The following ADCY9 variants were observed in gnomAD, a reference collection of about 807,000 sequenced individuals.
The protein encoded by ADCY9 is adenylate cyclase type 9.
ADCY9 carries 50 observed loss-of-function variants against 101.5 expected under a neutral mutation model. The ratio of observed to expected loss-of-function variants is 0.49; its 90% confidence interval spans 0.39 to 0.62. The LOEUF is 0.62. Ranked by LOEUF, ADCY9 falls within the 20% of genes least tolerant of loss-of-function variation. The probability of loss-of-function intolerance (pLI) is 0.00; values close to 1 mark genes in which losing one functional copy is unlikely to be tolerated. For synonymous variants in ADCY9, 905 were observed against 769.3 expected, an observed-to-expected ratio of 1.18 and a Z score of -2.92; for missense variants, 1,662 against 1,800.4, an observed-to-expected ratio of 0.92 and a Z score of 1.39.
Position 4,115,004 on chromosome 16 carries a change from C to T in ADCY9, c.439G>A (p.Ala147Thr). ...HMRSRLIVMV[A>T]PALCFLLVCV... ...ACCAGGAGGAAGCACAGCGCGGGGGCGACCATGACGATCAGTCTGGATCTC... is the reference window on the plus strand; with the variant it reads ...ACCAGGAGGAAGCACAGCGCGGGGGTGACCATGACGATCAGTCTGGATCTC... Residue 147 changes from alanine (A) to threonine (T), a missense_variant, in exon 2 of 11, where the codon GCC (alanine) becomes ACC (threonine). Transcript: ENST00000294016. This position sits in a 1 kb window ranked among gnomAD's most constrained non-coding sequence, Gnocchi z 6.2. 2 of 1,614,080 alleles carry T rather than the reference C, an allele frequency of 1.2e-6. No individual in the cohort carries two copies. The highest frequency in any genetic ancestry group is 8.5e-7 in the Non-Finnish European group (1 of 1,180,030).
chr16:3,997,342 C>T (rs370630827), intron 3 of ADCY9, among the ~76,000 whole-genome samples: 7 of 152,352 alleles, frequency 4.6e-5, no homozygotes, highest in Admixed American at 4.6e-4. Context: ...ACAAGGGCTT[C>T]CCTCAGAGGG....
At position 3,964,759 on chromosome 16, in the gene ADCY9, GC is replaced by G; in HGVS notation, c.*1015del. Reference sequence around the variant, plus strand: ...TCTTGGGGTGGGGAGGTTGGGGGCGGCCCCAGGTGGCCAAAACACAAAAGAG... The same window carrying G: ...TCTTGGGGTGGGGAGGTTGGGGGCGGCCCAGGTGGCCAAAACACAAAAGAG... On this transcript the variant is annotated 3_prime_UTR_variant, in exon 11 of 11. Coordinates refer to ENST00000294016, the MANE Select transcript of ADCY9 (RefSeq NM_001116.4). The G allele has an allele frequency of 6.6e-6, 1 of 152,548 alleles. No homozygotes were observed. The highest frequency in any genetic ancestry group is 1.5e-5 in the Non-Finnish European group (1 of 68,234). 9.4% of individuals were successfully genotyped at this position (152,548 alleles called of 1,614,324 possible).
Position 3,967,463 on chromosome 16 carries a change from T to C in ADCY9, c.2871-497A>G, listed in dbSNP as rs148868269. Among the ~76,000 whole-genome samples, 673 of 152,010 alleles carry C rather than the reference T, an allele frequency of 4.4e-3. 4 individuals carry two copies. The highest frequency in any genetic ancestry group is 0.015 in the African/African-American group (606 of 41,410). ...TGGAGTGCAATGGCACAATCATGGC[T>C]CACTGCAGCCTTAAACTCCTGGGCT... On this transcript the variant is annotated intron_variant, in intron 10 of 10. Transcript: ENST00000294016.
chr16:4,030,220 C>T (rs2056545690), intron 2 of ADCY9, among the ~76,000 whole-genome samples: 1 of 152,098 alleles, frequency 6.6e-6, no homozygotes, highest in South Asian at 2.1e-4. Flanking sequence ...TAAGTATTCA[C>T]AGGGATTATT....
rs1254383538 is a variant in ADCY9, at chr16:4,115,916, C to T, written c.-270G>A. On this transcript the variant is annotated 5_prime_UTR_variant, in exon 1 of 11. Coordinates refer to ENST00000294016, the MANE Select transcript of ADCY9 (RefSeq NM_001116.4). This position sits in a 1 kb window ranked among gnomAD's most constrained non-coding sequence, Gnocchi z 6.2. ...AACAACTCCGCTGGCGGCGCGGAGC[C>T]CTCCATCCTGCAGGAGCCGCGCTCC... 3 of 391,098 alleles carry T rather than the reference C, an allele frequency of 7.7e-6. No individual in the cohort carries two copies. The highest frequency in any genetic ancestry group is 1.4e-5 in the Non-Finnish European group (3 of 221,416). 24.2% of individuals were successfully genotyped at this position (391,098 alleles called of 1,614,324 possible).
At chr16:4,093,175 A>C (rs530228475) in intron 2 of ADCY9, among the ~76,000 whole-genome samples, 6 of 152,328 alleles carry the variant, frequency 3.9e-5, no homozygotes, top group African/African-American at 1.2e-4. Flanking sequence ...AAATTATCTG[A>C]TTGATTAAAA....
At chr16:4,065,608 G>A (rs759691951) in intron 2 of ADCY9, among the ~76,000 whole-genome samples, 26 of 152,174 alleles carry the variant, frequency 1.7e-4, no homozygotes, top group Non-Finnish European at 2.9e-4. Flanking sequence ...GTCTCACTCT[G>A]TCACCCAGGC....
chr16:4,107,787 C>T (rs918851198), intron 2 of ADCY9, among the ~76,000 whole-genome samples: 2 of 152,040 alleles, frequency 1.3e-5, no homozygotes, highest in Admixed American at 6.6e-5. Context: ...GTTAATGGGG[C>T]GCCCAGATTT....
chr16:4,070,423 T>G (rs191080276), intron 2 of ADCY9, among the ~76,000 whole-genome samples: 3 of 152,208 alleles, frequency 2.0e-5, no homozygotes, highest in Non-Finnish European at 2.9e-5. Context: ...AATAATATTA[T>G]GTTATAAACC....
chr16:4,054,640 G>A (rs1001194046), intron 2 of ADCY9, among the ~76,000 whole-genome samples: 6 of 150,966 alleles, frequency 4.0e-5, no homozygotes, highest in Non-Finnish European at 7.4e-5. Context: ...GCACAATCTC[G>A]GCTCACTGCA....
chr16:4,029,572 C>T (rs948950080), intron 2 of ADCY9, among the ~76,000 whole-genome samples: 2 of 152,134 alleles, frequency 1.3e-5, no homozygotes, highest in East Asian at 3.9e-4. Context: ...CATGGTGAAA[C>T]CCCATCTCTA....
intron 2 of ADCY9, among the ~76,000 whole-genome samples, chr16:4,014,483 T>C (rs900314679): frequency 8.5e-5 from 13 of 152,106 alleles, no homozygotes; most frequent in Admixed American, 8.5e-4. Context: ...AGTCTTGCTC[T>C]GTTGCCCAGG....
intron 2 of ADCY9, among the ~76,000 whole-genome samples, chr16:4,070,575 G>A (rs761596347): frequency 3.3e-5 from 5 of 152,130 alleles, no homozygotes; most frequent in Non-Finnish European, 5.9e-5. Context: ...CAGTGCTTTC[G>A]AAGACCAAGG....
At chr16:4,026,973 C>G (rs1322331535) in intron 2 of ADCY9, among the ~76,000 whole-genome samples, 1 of 152,220 alleles carries the variant, frequency 6.6e-6, no homozygotes, top group Non-Finnish European at 1.5e-5. Flanking sequence ...GAAAGTACCT[C>G]TGATTGGTTC....
chr16:3,956,488 C>CTTTTTAGCTTTTTTTTTTT (rs2055906599), intron 5 of ADCY9, among the ~76,000 whole-genome samples: 1 of 68,762 alleles, frequency 1.5e-5, no homozygotes, highest in African/African-American at 6.6e-5. Flanking sequence ...GCGCAATGAG[C>CTTTTTAGCTTTTTTTTTTT]TTTTTTTTTT....
intron 2 of ADCY9, among the ~76,000 whole-genome samples, chr16:4,112,289 T>C (rs1006250621): frequency 4.6e-5 from 7 of 152,236 alleles, no homozygotes; most frequent in African/African-American, 1.2e-4. Context: ...CTTGTTAACA[T>C]AGTCCTTAAA....
chr16:3,974,288 C>T (rs1042333481), intron 10 of ADCY9, among the ~76,000 whole-genome samples: 1 of 152,202 alleles, frequency 6.6e-6, no homozygotes, highest in Non-Finnish European at 1.5e-5. Context: ...TCGTGATCCG[C>T]CCGCCTCGGC....
chr16:4,084,781 G>C (rs2056926992), intron 2 of ADCY9, among the ~76,000 whole-genome samples: 1 of 151,942 alleles, frequency 6.6e-6, no homozygotes, highest in Non-Finnish European at 1.5e-5. Context: ...GGCAATCTCT[G>C]TGTTTCTGTT....
intron 8 of ADCY9, 80 bp from the exon 9 acceptor site, chr16:3,977,710 C>T: frequency 1.3e-6 from 2 of 1,501,458 alleles, no homozygotes; most frequent in Non-Finnish European, 1.8e-6. Flanking sequence ...AAACATTCGC[C>T]ACTAATCCAT....
Sources: gnomAD v4.1 joint callset for allele counts (sites outside exome capture counted in the v4.1 genomes callset) on GRCh38, gnomAD v4.1.1 for gene constraint, Gnocchi (gnomAD v3.1) non-coding constraint, MANE v1.5 for transcripts, NCBI Gene and HGNC (gene_info 2026-07-23, HGNC 2026-07-21) for gene names.